CBR4: variants seen among roughly 807,000 people sequenced by gnomAD.
CBR4 encodes the protein 3-oxoacyl-[acyl-carrier-protein] reductase.
CBR4 carries 22 observed loss-of-function variants against 21.0 expected under a neutral mutation model. The ratio of observed to expected loss-of-function variants is 1.05; its 90% CI spans 0.75 to 1.50. The LOEUF is 1.50. CBR4 is among the 40% of genes most tolerant of loss of function. The pLI is 0.00. For missense variants in CBR4, 302 were observed against 286.3 expected, an observed-to-expected ratio of 1.05 and a Z score of -0.40; for synonymous variants, 100 against 104.4, an observed-to-expected ratio of 0.96 and a Z score of 0.26.
At chr4:168,906,183 T>C (rs935833359) in intron 2 of CBR4, among the ~76,000 whole-genome samples, 3 of 152,230 alleles carry the variant, frequency 2.0e-5, no homozygotes, top group African/African-American at 7.2e-5. Context: ...TGGAATTATC[T>C]GTGGTCCTTA....
chr4:168,976,622 T>G (rs1288696606), intron 2 of CBR4, among the ~76,000 whole-genome samples: 4 of 152,140 alleles, frequency 2.6e-5, no homozygotes, highest in Non-Finnish European at 5.9e-5. Flanking sequence ...GGAAGGATAT[T>G]ACAAAGTACC....
Position 168,989,146 on chromosome 4 carries a change from A to G in CBR4, c.*1004T>C, listed in dbSNP as rs1231158892. On this transcript the variant is annotated 3_prime_UTR_variant, in exon 5 of 5. Transcript: ENST00000306193. ...TTATTTATTTTTTATGCTTATTCAT[A>G]CAGAATTTATTACTTTCTAGAATTT... The G allele has an allele frequency of 1.0e-6, 1 of 967,738 alleles. No homozygotes were observed. The highest frequency in any genetic ancestry group is 1.8e-5 in the African/African-American group (1 of 56,880). 59.9% of individuals were successfully genotyped at this position (967,738 alleles called of 1,614,324 possible).
chr4:168,919,018 AAAAAT>A (rs1470887566), intron 2 of CBR4, among the ~76,000 whole-genome samples: 8 of 152,248 alleles, frequency 5.3e-5, no homozygotes, highest in African/African-American at 1.9e-4. Flanking sequence ...TTTAAATATA[AAAAAT>A]AAGAGAGTGA....
chr4:168,947,418 A>G (rs961869956), intron 2 of CBR4, among the ~76,000 whole-genome samples: 1 of 152,060 alleles, frequency 6.6e-6, no homozygotes, highest in Admixed American at 6.6e-5. Context: ...TTACTGGGGT[A>G]CAGGTGGTGT....
chr4:168,924,572 T>C (rs552822132), intron 2 of CBR4: 1 of 811,384 alleles, frequency 1.2e-6, no homozygotes, highest in Non-Finnish European at 2.1e-6. Context: ...AACCATGCGT[T>C]ACCCAATGTA....
chr4:169,004,885 A>G (rs1018178789), intron 3 of CBR4, among the ~76,000 whole-genome samples: 1 of 152,244 alleles, frequency 6.6e-6, no homozygotes, highest in Non-Finnish European at 1.5e-5. Flanking sequence ...TTTAATTCAA[A>G]TATCAACTAT....
chr4:168,919,418 A>T (rs759370288), intron 2 of CBR4, among the ~76,000 whole-genome samples: 6 of 151,900 alleles, frequency 3.9e-5, no homozygotes, highest in Non-Finnish European at 8.8e-5. Flanking sequence ...CCAGCTACTC[A>T]GGAGGCTGAG....
chr4:168,922,442 G>A (rs890310012), intron 2 of CBR4, among the ~76,000 whole-genome samples: 7 of 152,138 alleles, frequency 4.6e-5, no homozygotes, highest in African/African-American at 1.4e-4. Flanking sequence ...GCCCTCACAT[G>A]AGCCTTATGA....
chr4:168,895,189 G>A (rs1176633056), intron 2 of CBR4, among the ~76,000 whole-genome samples: 1 of 151,912 alleles, frequency 6.6e-6, no homozygotes, highest in Non-Finnish European at 1.5e-5. Context: ...CGAGACCATC[G>A]TGGCCAACAT....
At chr4:168,995,730 T>C (rs1433595131) in intron 4 of CBR4, among the ~76,000 whole-genome samples, 1 of 152,182 alleles carries the variant, frequency 6.6e-6, no homozygotes, top group Non-Finnish European at 1.5e-5. Context: ...TAGGTGCCAC[T>C]GTCCAACAAA....
rs535584362 is a variant in CBR4, at chr4:169,003,650, T to A, written c.401-1445A>T. Reference sequence around the variant, plus strand: ...GAGAAATCTCTCACGAAATGAAGAGTCAATCAATGTGGCAAATTTTGTCTT... The same window carrying A: ...GAGAAATCTCTCACGAAATGAAGAGACAATCAATGTGGCAAATTTTGTCTT... On this transcript the variant is annotated intron_variant, in intron 3 of 4. Transcript: ENST00000306193. Among the ~76,000 whole-genome samples, 37 of 151,674 alleles carry A rather than the reference T, an allele frequency of 2.4e-4. No individual in the cohort carries two copies. The South Asian group carries it at 7.3e-3, about 30-fold the overall frequency.
chr4:168,947,430 T>G (rs1560957733), intron 2 of CBR4, among the ~76,000 whole-genome samples: 1 of 152,126 alleles, frequency 6.6e-6, no homozygotes, highest in Non-Finnish European at 1.5e-5. Flanking sequence ...AGGTGGTGTT[T>G]GGTTACATGA....
intron 2 of CBR4, among the ~76,000 whole-genome samples, chr4:168,921,969 T>C (rs1459688878): frequency 6.6e-6 from 1 of 152,072 alleles, no homozygotes; most frequent in East Asian, 1.9e-4. Flanking sequence ...TTATTAGCTC[T>C]TTTGGGTCAT....
intron 2 of CBR4, among the ~76,000 whole-genome samples, chr4:168,974,179 G>A (rs1331444439): frequency 6.6e-6 from 1 of 152,172 alleles, no homozygotes. Flanking sequence ...TTTCATTTAT[G>A]AAGCTTAGTT....
In CBR4 at chr4:169,002,215, A is replaced by T; in HGVS notation, c.401-10T>A. 1.3e-5 allele frequency: 1 copy of T among 76,840 alleles called. No individual in the cohort carries two copies. Among genetic ancestry groups the T allele is most frequent in the Non-Finnish European group, 2.4e-5 (1 of 41,052 alleles). The allele number at this position is 76,840 out of a possible 1,614,324, so 4.8% of individuals were successfully genotyped here. On this transcript the variant is annotated splice_polypyrimidine_tract_variant and intron_variant, in intron 3 of 4. Coordinates refer to ENST00000306193, the MANE Select transcript of CBR4 (RefSeq NM_032783.5). ...AAGCCAACAATGCTTCCTAGGACAA[A>T]AAAAAAAAAAAAAAAAAAAAAAGCG...
intron 2 of CBR4, among the ~76,000 whole-genome samples, chr4:168,912,081 T>G (rs1437886200): frequency 6.6e-6 from 1 of 152,084 alleles, no homozygotes; most frequent in Admixed American, 6.6e-5. Flanking sequence ...CAGTGAATCT[T>G]GCTATGGGAT....
At chr4:168,943,446 A>T (rs767662049) in intron 2 of CBR4, among the ~76,000 whole-genome samples, 2 of 152,214 alleles carry the variant, frequency 1.3e-5, no homozygotes, top group Non-Finnish European at 2.9e-5. Flanking sequence ...ACCATACTCA[A>T]CATACATTAT....
rs1194812074 is a variant in CBR4 at position 168,988,940 on chromosome 4, T to G, written c.*1210A>C. On this transcript the variant is annotated 3_prime_UTR_variant, in exon 5 of 5. Transcript: ENST00000306193. ...ACTGTCAGCTCCAAATCAACATGAA[T>G]GGAGTGACACTGAAAATATCATACT... 2.0e-6 allele frequency: 2 copies of G among 983,438 alleles called. No homozygotes were observed. The highest frequency in any genetic ancestry group is 1.7e-5 in the African/African-American group (1 of 57,212). The allele number at this position is 983,438 out of a possible 1,614,324, so 60.9% of individuals were successfully genotyped here.
intron 2 of CBR4, among the ~76,000 whole-genome samples, chr4:168,978,531 C>T (rs1404335961): frequency 6.6e-6 from 1 of 152,182 alleles, no homozygotes; most frequent in Admixed American, 6.5e-5. Context: ...CTCCCCCCTG[C>T]AGGAAAATGG....
Sources: allele counts gnomAD v4.1 joint callset (sites outside exome capture counted in the v4.1 genomes callset), GRCh38; gene constraint gnomAD v4.1.1; transcripts MANE v1.5; gene names NCBI Gene and HGNC (gene_info 2026-07-23, HGNC 2026-07-21).